Variants in HUNK observed in about 807,000 individuals in gnomAD.
HUNK encodes the protein hormonally up-regulated Neu-associated kinase, also known as hormonally up-regulated neu tumor-associated kinase.
In HUNK, 21 loss-of-function variants were observed where a neutral mutation model predicts 61.0. The ratio of observed to expected loss-of-function variants is 0.34; its 90% confidence interval spans 0.24 to 0.50. HUNK has a LOEUF of 0.50. Among genes scored for constraint, HUNK ranks in the 20% least tolerant of loss-of-function variants. The pLI, the probability that HUNK is intolerant of heterozygous loss-of-function variation, is 0.98. For synonymous variants in HUNK, 371 were observed against 386.1 expected, an observed-to-expected ratio of 0.96 and a Z score of 0.46; for missense variants, 772 against 945.7, an observed-to-expected ratio of 0.82 and a Z score of 2.41.
At chr21:31,951,138 AG>A (rs1382532255) in intron 4 of HUNK, among the ~76,000 whole-genome samples, 3 of 151,724 alleles carry the variant, frequency 2.0e-5, no homozygotes, top group African/African-American at 7.3e-5. Flanking sequence ...AAGACCGTAA[AG>A]AATAGCTGTA....
rs190270753 is a variant in HUNK, at chr21:31,999,023, C to T, written c.1984C>T (p.Arg662Trp). 75 of 1,614,184 alleles carry T rather than the reference C, an allele frequency of 4.6e-5. No individual in the cohort carries two copies. The highest frequency in any genetic ancestry group is 5.6e-5 in the Non-Finnish European group (66 of 1,180,038). ...CCCCAATTGTGTGAAAAGCCGAGGC[C>T]GGTTCCCTATGATGGGCATCGGACA... is the stretch of plus-strand genomic sequence containing the variant. The part of the protein sequence containing the change: ...GSPNCVKSRG[R>W]FPMMGIGQML... The change falls in exon 11 of 11, where the codon CGG (arginine) becomes TGG (tryptophan). Residue 662 changes from arginine to tryptophan, a missense_variant. Coordinates refer to ENST00000270112, the MANE Select transcript of HUNK (RefSeq NM_014586.2).
At chr21:31,998,059 A>C (rs2053218280) in intron 10 of HUNK, among the ~76,000 whole-genome samples, 1 of 152,174 alleles carries the variant, frequency 6.6e-6, no homozygotes, top group African/African-American at 2.4e-5. Context: ...TTAGGACCAC[A>C]GGTGCATGCC....
At chr21:31,878,037 T>C (rs764243125) in intron 1 of HUNK, among the ~76,000 whole-genome samples, 8 of 151,890 alleles carry the variant, frequency 5.3e-5, no homozygotes, top group Non-Finnish European at 1.2e-4. Flanking sequence ...GGTGGGTGGA[T>C]CACTTGAGGT....
intron 7 of HUNK, 63 bp from the exon 8 acceptor site, chr21:31,983,463 C>A: frequency 7.7e-7 from 1 of 1,301,934 alleles, no homozygotes; most frequent in Non-Finnish European, 1.1e-6. Flanking sequence ...AAATTAATGA[C>A]TGCTTAATGG....
intron 1 of HUNK, among the ~76,000 whole-genome samples, chr21:31,898,103 C>G (rs557710245): frequency 6.6e-6 from 1 of 152,128 alleles, no homozygotes; most frequent in African/African-American, 2.4e-5. Flanking sequence ...CAAGACCCCC[C>G]GCTGGTCTGG....
At chr21:31,990,241 GGA>G (rs199598299) in intron 9 of HUNK, 65 bp downstream of exon 9, 1,027 of 1,359,642 alleles carry the variant, frequency 7.6e-4, no homozygotes, top group Non-Finnish European at 8.9e-4. Context: ...AATAGAGTAT[GGA>G]GAGAGAGAGA....
At chr21:31,956,537 C>T (rs1315704945) in intron 4 of HUNK, among the ~76,000 whole-genome samples, 7 of 152,226 alleles carry the variant, frequency 4.6e-5, no homozygotes, top group South Asian at 2.1e-4. Flanking sequence ...TCGCATAGTA[C>T]GTTCTCAAAT....
chr21:31,990,291 A>G, intron 9 of HUNK, 115 bp downstream of exon 9: 16 of 1,026,384 alleles, frequency 1.6e-5, no homozygotes, highest in Non-Finnish European at 2.4e-5. Flanking sequence ...GTTGGCTCAC[A>G]CAGTTTTGTG....
At chr21:31,958,208 C>G (rs556918369) in intron 4 of HUNK, among the ~76,000 whole-genome samples, 1 of 152,010 alleles carries the variant, frequency 6.6e-6, no homozygotes, top group East Asian at 1.9e-4. Context: ...CAGGAGGTGG[C>G]TCCTGATGCT....
In HUNK at chr21:31,998,969, A is replaced by G. The variant is rs752373153; in HGVS notation, c.1930A>G (p.Ser644Gly). ...EGLCCPPPVP[S>G]NGPMQPLGSP... ...CCTGTGTTGCCCACCTCCGGTTCCC[A>G]GCAATGGCCCCATGCAGCCTCTGGG... Residue 644 changes from serine to glycine, a missense_variant, in exon 11 of 11, where the codon AGC becomes GGC. By Grantham distance (56) the Ser-to-Gly change is moderately conservative (BLOSUM62 0). Transcript: ENST00000270112. The G allele has an allele frequency of 1.2e-6, 2 of 1,614,182 alleles. No homozygotes were observed. Among genetic ancestry groups the G allele is most frequent in the South Asian group, 2.2e-5 (2 of 91,082 alleles).
chr21:31,874,128 C>G (rs1231874396), intron 1 of HUNK, among the ~76,000 whole-genome samples, 193 bp downstream of exon 1: 1 of 151,874 alleles, frequency 6.6e-6, no homozygotes, highest in African/African-American at 2.4e-5. Context: ...GGCCTGCGGT[C>G]CGCTGCCCGG....
At chr21:31,910,313 G>A (rs1568922843) in intron 1 of HUNK, among the ~76,000 whole-genome samples, 1 of 151,888 alleles carries the variant, frequency 6.6e-6, no homozygotes, top group East Asian at 1.9e-4. Flanking sequence ...CTGTGTCTTC[G>A]CACAGACATC....
chr21:31,939,407 T>G (rs1456484940), intron 2 of HUNK, among the ~76,000 whole-genome samples: 8 of 138,852 alleles, frequency 5.8e-5, no homozygotes, highest in Admixed American at 1.4e-4. Flanking sequence ...GTGTTTTTTT[T>G]TTTTTTTTTT....
At chr21:31,886,764 G>A (rs2052349105) in intron 1 of HUNK, among the ~76,000 whole-genome samples, 1 of 151,808 alleles carries the variant, frequency 6.6e-6, no homozygotes, top group Non-Finnish European at 1.5e-5. Flanking sequence ...TCCTGCTTCA[G>A]CCTCTCGAGT....
At chr21:31,974,485 C>A in intron 6 of HUNK, 70 bp from the exon 7 acceptor site, 1 of 1,400,228 alleles carries the variant, frequency 7.1e-7, no homozygotes, top group Non-Finnish European at 9.6e-7. Context: ...GCTGATTGTG[C>A]CCAGGGGGTC....
At chr21:31,994,672 A>C (rs2053191438) in intron 9 of HUNK, among the ~76,000 whole-genome samples, 1 of 152,220 alleles carries the variant, frequency 6.6e-6, no homozygotes, top group South Asian at 2.1e-4. Context: ...GCTTGAACTG[A>C]GTTAATTTTA....
rs967882471 is a variant in HUNK, at chr21:31,974,467, T to A, written c.1011-88T>A. On this transcript the variant is annotated intron_variant, in intron 6 of 10. Transcript: ENST00000270112. ...TCAAGTCAGTGAATGAATGAGTGAA[T>A]GAATGAAGCTGATTGTGCCCAGGGG... 55 of 1,231,628 alleles carry A rather than the reference T, an allele frequency of 4.5e-5. 1 individual carries two copies. The highest frequency in any genetic ancestry group is 6.0e-5 in the Non-Finnish European group (54 of 900,472). The allele number at this position is 1,231,628 out of a possible 1,614,324, so 76.3% of individuals were successfully genotyped here. A position where few individuals can be genotyped will look rare whatever the true frequency, so the allele number is the denominator to read the frequency against.
intron 2 of HUNK, among the ~76,000 whole-genome samples, chr21:31,930,832 T>C (rs2052691275): frequency 2.6e-5 from 4 of 152,192 alleles, no homozygotes; most frequent in Admixed American, 2.6e-4. Context: ...GTTTATTTTT[T>C]AGGTCACAAT....
intron 7 of HUNK, among the ~76,000 whole-genome samples, chr21:31,979,103 C>CATTT (rs2053072398): frequency 1.1e-5 from 1 of 94,120 alleles, no homozygotes; most frequent in South Asian, 4.0e-4. Context: ...ACCTATTGGC[C>CATTT]ATTTCTTTTT....
Sources: allele counts gnomAD v4.1 joint callset (sites outside exome capture counted in the v4.1 genomes callset), GRCh38; gene constraint gnomAD v4.1.1; transcripts MANE v1.5; gene names NCBI Gene and HGNC (gene_info 2026-07-23, HGNC 2026-07-21).